Variants in FOXN3 observed in about 807,000 individuals in gnomAD.
FOXN3 encodes the protein forkhead box protein N3.
A neutral mutation model predicts 38.4 loss-of-function variants in FOXN3; 7 were observed. That is an observed-to-expected ratio of 0.18 (90% CI 0.10 to 0.34). The LOEUF is 0.34. Among genes scored for constraint, FOXN3 ranks in the 10% least tolerant of loss-of-function variants. The pLI, the probability that FOXN3 is intolerant of heterozygous loss-of-function variation, is 1.00. For synonymous variants in FOXN3, 230 were observed against 242.2 expected, an observed-to-expected ratio of 0.95 and a Z score of 0.47; for missense variants, 456 against 613.4, an observed-to-expected ratio of 0.74 and a Z score of 2.71.
chr14:89,226,715 A>G (rs927878541), intron 4 of FOXN3, among the ~76,000 whole-genome samples: 5 of 152,222 alleles, frequency 3.3e-5, no homozygotes, highest in African/African-American at 1.2e-4. Context: ...TGTTGCTGAC[A>G]TAAATAGTTA....
chr14:89,584,938 AC>A (rs1442638144), intron 1 of FOXN3, among the ~76,000 whole-genome samples: 1 of 151,330 alleles, frequency 6.6e-6, no homozygotes, highest in Non-Finnish European at 1.5e-5. Context: ...CTGGTCTTGA[AC>A]TCCTGACCTC....
At chr14:89,295,244 G>A (rs1886999187) in intron 3 of FOXN3, among the ~76,000 whole-genome samples, 1 of 152,048 alleles carries the variant, frequency 6.6e-6, no homozygotes, top group South Asian at 2.1e-4. Flanking sequence ...CGAATCCCAG[G>A]TACCCAGGAC....
At position 89,184,896 on chromosome 14, in the gene FOXN3, T is replaced by C. The variant is rs1887764713; in HGVS notation, c.746-4090A>G. Among the ~76,000 whole-genome samples the C allele has an allele frequency of 2.0e-5, 3 of 152,236 alleles. No individual in the cohort carries two copies. The South Asian group carries it at 6.2e-4, about 32-fold the overall frequency. ...GATAGGGCTGAAAGGGGTCCGGACA[T>C]GGGGAAATACTTTCAGCCCATTATG... On this transcript the variant is annotated intron_variant, in intron 4 of 5. Transcript: ENST00000557258.
intron 1 of FOXN3, among the ~76,000 whole-genome samples, chr14:89,489,962 G>C (rs1893539440): frequency 6.6e-6 from 1 of 152,200 alleles, no homozygotes; most frequent in Non-Finnish European, 1.5e-5. Context: ...CTCCACACAG[G>C]AGCTGTGTCT....
At chr14:89,618,279 A>G (rs1896530335) in intron 1 of FOXN3, among the ~76,000 whole-genome samples, 2 of 152,176 alleles carry the variant, frequency 1.3e-5, no homozygotes, top group South Asian at 4.1e-4. Context: ...TAATCCCACA[A>G]TTAAAACCTC....
Position 89,245,771 on chromosome 14 carries a change from G to A in FOXN3, c.745+35179C>T, listed in dbSNP as rs143622166. On this transcript the variant is annotated intron_variant, in intron 4 of 5. Transcript: ENST00000557258. Reference sequence around the variant, plus strand: ...GTGGAGCTTATTCTATGTGGGCCAAGTGACTTGTTAAACAAACAAACTCCT... The same window carrying A: ...GTGGAGCTTATTCTATGTGGGCCAAATGACTTGTTAAACAAACAAACTCCT... 1.1e-4 allele frequency among the ~76,000 whole-genome samples: 16 copies of A among 152,284 alleles called. 1 individual carries two copies. In the East Asian group the frequency reaches 3.1e-3, roughly 29 times the overall value.
intron 4 of FOXN3, among the ~76,000 whole-genome samples, chr14:89,267,656 C>T (rs1401811148): frequency 6.6e-6 from 1 of 152,198 alleles, no homozygotes. Flanking sequence ...CCTCTTCAAT[C>T]TCACTTGCTA....
intron 2 of FOXN3, among the ~76,000 whole-genome samples, chr14:89,396,235 T>C (rs144050145): frequency 2.0e-5 from 3 of 152,176 alleles, no homozygotes; most frequent in Admixed American, 6.5e-5. Context: ...CAAACTAAGA[T>C]GTAGGAAGGA....
intron 1 of FOXN3, among the ~76,000 whole-genome samples, chr14:89,446,957 G>A (rs891186000): frequency 4.6e-5 from 7 of 152,186 alleles, no homozygotes; most frequent in African/African-American, 1.4e-4. Flanking sequence ...AGCACTTTGG[G>A]AGGCCAAGGC....
intron 1 of FOXN3, among the ~76,000 whole-genome samples, chr14:89,551,243 G>A (rs561036578): frequency 6.6e-6 from 1 of 152,296 alleles, no homozygotes; most frequent in East Asian, 1.9e-4. Flanking sequence ...TCCTTTACAC[G>A]GGGCACCCGA....
chr14:89,472,192 T>G (rs1413638997), intron 1 of FOXN3, among the ~76,000 whole-genome samples: 1 of 150,506 alleles, frequency 6.6e-6, no homozygotes, highest in East Asian at 2.0e-4. Context: ...CAGGCGGAGG[T>G]TGCGGTGAGC....
chr14:89,334,521 A>T (rs1036585054), intron 3 of FOXN3, among the ~76,000 whole-genome samples: 16 of 151,952 alleles, frequency 1.1e-4, no homozygotes, highest in African/African-American at 3.9e-4. Context: ...GGAGCAGGAG[A>T]ATGGCTTGAA....
chr14:89,212,999 T>C (rs1384081034), intron 4 of FOXN3, among the ~76,000 whole-genome samples: 8 of 151,898 alleles, frequency 5.3e-5, no homozygotes, highest in Non-Finnish European at 1.2e-4. Context: ...TTTACAAGGT[T>C]AGTAGAGGGA....
At chr14:89,324,484 G>GTA (rs1332295150) in intron 3 of FOXN3, among the ~76,000 whole-genome samples, 1 of 134,932 alleles carries the variant, frequency 7.4e-6, no homozygotes, top group South Asian at 2.4e-4. Flanking sequence ...GTGTGTGTGT[G>GTA]TATGTACCCA....
In FOXN3 at chr14:89,344,258, C is replaced by T. The variant is rs535300260; in HGVS notation, c.680+6414G>A. Among the ~76,000 whole-genome samples the T allele has an allele frequency of 1.1e-3, 153 of 141,492 alleles. 1 individual carries two copies. Among genetic ancestry groups the T allele is most frequent in the African/African-American group, 4.3e-3 (151 of 35,008 alleles). The allele number at this position is 141,492 out of a possible 152,430, so 92.8% of individuals were successfully genotyped here. A position where few individuals can be genotyped will look rare whatever the true frequency, so the allele number is the denominator to read the frequency against. ...AATTTTAAAGCAAAAAAAGGGAAAG[C>T]TCATTAAAGAAAAAAAAAAAAAAAC... On this transcript the variant is annotated intron_variant, in intron 3 of 5. Coordinates refer to ENST00000557258, the MANE Select transcript of FOXN3 (RefSeq NM_005197.4).
chr14:89,413,829 G>A (rs557227987), intron 1 of FOXN3, among the ~76,000 whole-genome samples: 2 of 145,546 alleles, frequency 1.4e-5, no homozygotes, highest in East Asian at 4.1e-4. Flanking sequence ...GAAAAGGAAG[G>A]GAAGGGAGGG....
At chr14:89,269,334 T>C (rs1457556517) in intron 4 of FOXN3, among the ~76,000 whole-genome samples, 1 of 152,182 alleles carries the variant, frequency 6.6e-6, no homozygotes, top group Non-Finnish European at 1.5e-5. Flanking sequence ...TCACTGCAAG[T>C]ATGGCTGGCT....
intron 3 of FOXN3, among the ~76,000 whole-genome samples, chr14:89,323,324 A>T (rs1037296965): frequency 6.6e-6 from 1 of 151,370 alleles, no homozygotes; most frequent in East Asian, 1.9e-4. Flanking sequence ...AAAGAAAGAA[A>T]GAATGACAGT....
At chr14:89,591,693 A>G (rs12101106) in intron 1 of FOXN3, among the ~76,000 whole-genome samples, 12,017 of 152,208 alleles carry the variant, frequency 0.079, 1,166 homozygotes, top group African/African-American at 0.23. Flanking sequence ...GGGGGGTTGA[A>G]GCAGGAGGAT....
Sources: gnomAD v4.1 joint callset for allele counts (sites outside exome capture counted in the v4.1 genomes callset) on GRCh38, gnomAD v4.1.1 for gene constraint, MANE v1.5 for transcripts, NCBI Gene and HGNC (gene_info 2026-07-23, HGNC 2026-07-21) for gene names.